ACTN4: variants seen among roughly 807,000 people sequenced by gnomAD.
ACTN4 encodes the protein alpha-actinin-4.
A neutral mutation model predicts 114.2 loss-of-function variants in ACTN4; 18 were observed. That is an observed-to-expected ratio of 0.16 (90% confidence interval 0.11 to 0.23). ACTN4 has a LOEUF of 0.23. Ranked by LOEUF, ACTN4 falls within the 10% of genes least tolerant of loss-of-function variation. ACTN4 has a pLI of 1.00. For synonymous variants in ACTN4, 515 were observed against 506.3 expected (o/e 1.02, Z -0.23); for missense variants, 722 against 1,262.9 (o/e 0.57, Z 6.49).
intron 19 of ACTN4, 99 bp downstream of exon 19, chr19:38,728,125 G>A: frequency 6.9e-7 from 1 of 1,438,878 alleles, no homozygotes; most frequent in Non-Finnish European, 9.6e-7. Context: ...CTGCCATCCT[G>A]TGTGCCATCT....
At chr19:38,721,738 G>A (rs758187101) in intron 12 of ACTN4, 50 bp downstream of exon 12, 4 of 1,604,340 alleles carry the variant, frequency 2.5e-6, no homozygotes, top group African/African-American at 2.7e-5. Context: ...ACCACAGCCT[G>A]CCCAGACTGG....
chr19:38,673,506 T>G (rs1315869550), intron 1 of ACTN4, among the ~76,000 whole-genome samples: 1 of 86,594 alleles, frequency 1.2e-5, no homozygotes, highest in African/African-American at 4.0e-5. Flanking sequence ...TTTATATATA[T>G]GAATATATAT....
intron 1 of ACTN4, among the ~76,000 whole-genome samples, chr19:38,665,285 G>A (rs772566817): frequency 1.3e-5 from 2 of 152,212 alleles, no homozygotes; most frequent in Non-Finnish European, 2.9e-5. Context: ...CTGGCTGTGC[G>A]ACCCTGGGCA....
rs1375414735 is a variant in ACTN4, at chr19:38,727,646, A to T, written c.2338-300A>T. 1.1e-5 allele frequency among the ~76,000 whole-genome samples: 1 copy of T among 90,504 alleles called. No homozygotes were observed. Among genetic ancestry groups the T allele is most frequent in the African/African-American group, 4.2e-5 (1 of 23,658 alleles). 59.4% of individuals were successfully genotyped at this position (90,504 alleles called of 152,430 possible). ...AGGAGAACCCCCCCCCCGACCCTCC[A>T]CCAGTCCTGGGACTTGTCCTCAGTT... On this transcript the variant is annotated intron_variant, in intron 18 of 20. Transcript: ENST00000252699. This position sits in a 1 kb window ranked among gnomAD's most constrained non-coding sequence, Gnocchi z 5.4.
intron 19 of ACTN4, chr19:38,728,434 C>CCTT (rs2145111908): frequency 9.3e-7 from 1 of 1,072,822 alleles, no homozygotes; most frequent in African/African-American, 1.7e-5. Flanking sequence ...TCCTCCTCCT[C>CCTT]CTCCTCCTCC....
intron 6 of ACTN4, among the ~76,000 whole-genome samples, chr19:38,708,693 C>A (rs1191121728): frequency 6.6e-6 from 1 of 152,238 alleles, no homozygotes; most frequent in Non-Finnish European, 1.5e-5. Flanking sequence ...AAGCACCACA[C>A]CAGGCCGTGT....
chr19:38,666,343 C>T (rs1966959603), intron 1 of ACTN4, among the ~76,000 whole-genome samples: 1 of 152,218 alleles, frequency 6.6e-6, no homozygotes, highest in Admixed American at 6.5e-5. Flanking sequence ...AATGTTACAA[C>T]GGAGTGACAA....
Position 38,709,397 on chromosome 19 carries a change from C to T in ACTN4, c.654C>T (p.Asp218=), listed in dbSNP as rs575966776. Residue 218 remains aspartate, a splice_region_variant and synonymous_variant, in exon 7 of 21, where the codon GAC becomes GAT. Transcript: ENST00000252699. Reference sequence around the variant, plus strand: ...TGTCCCCACTTGCCTCCTTCTAGGACGACCCTGTCACCAACCTGAACAATG... The same window carrying T: ...TGTCCCCACTTGCCTCCTTCTAGGATGACCCTGTCACCAACCTGAACAATG... ...ELIEYDKLRK[D]DPVTNLNNAF... is the part of the protein sequence containing the mutation. 2.0e-5 allele frequency: 33 copies of T among 1,613,856 alleles called. No homozygotes were observed. The highest frequency in any genetic ancestry group is 1.6e-4 in the Middle Eastern group (1 of 6,062).
intron 8 of ACTN4, among the ~76,000 whole-genome samples, chr19:38,711,913 T>G (rs948288649): frequency 3.9e-5 from 6 of 152,190 alleles, no homozygotes; most frequent in African/African-American, 1.4e-4. Flanking sequence ...CCAGCTGACC[T>G]CATGCTGCCT....
At position 38,710,405 on chromosome 19, in the gene ACTN4, G is replaced by A. The variant is rs192601118; in HGVS notation, c.819+63G>A. ...CCGCGCAATGCCGCCGCTGCCTCTC[G>A]CCTCCCGTGCTCACCTCATTTCTCT... On this transcript the variant is annotated intron_variant, in intron 8 of 20. Coordinates refer to ENST00000252699, the MANE Select transcript of ACTN4 (RefSeq NM_004924.6). The A allele has an allele frequency of 1.7e-3, 2,540 of 1,529,268 alleles. 4 individuals are homozygous for A. The highest frequency in any genetic ancestry group is 3.7e-3 in the African/African-American group (271 of 73,430). 94.7% of individuals were successfully genotyped at this position (1,529,268 alleles called of 1,614,324 possible). A position where few individuals can be genotyped will look rare whatever the true frequency, so the allele number is the denominator to read the frequency against.
In ACTN4 at chr19:38,729,756, T is replaced by C; in HGVS notation, c.*324T>C. On this transcript the variant is annotated 3_prime_UTR_variant, in exon 21 of 21. Transcript: ENST00000252699. ...GGTCCCTTCCATGCCCTGGGATGCC[T>C]CACCACACCCAGGTCTCTTCCTTTG... 1 of 540,046 alleles carries C rather than the reference T, an allele frequency of 1.9e-6. No individual in the cohort carries two copies. The highest frequency in any genetic ancestry group is 4.5e-5 in the East Asian group (1 of 22,382). The allele number at this position is 540,046 out of a possible 1,614,324, so 33.5% of individuals were successfully genotyped here.
At position 38,647,837 on chromosome 19, in the gene ACTN4, A is replaced by T; in HGVS notation, c.92A>T (p.Tyr31Phe). The T allele has an allele frequency of 6.4e-7, 1 of 1,552,552 alleles. No homozygotes were observed. Among genetic ancestry groups the T allele is most frequent in the Non-Finnish European group, 8.7e-7 (1 of 1,150,332 alleles). The change falls in exon 1 of 21, where the codon TAC (tyrosine) becomes TTC (phenylalanine). Residue 31 changes from tyrosine (Y) to phenylalanine (F), a missense_variant. By Grantham distance (22) the Tyr-to-Phe change is conservative (BLOSUM62 3). This residue lies in a region of ACTN4 where 72 missense variants were observed against 75.6 expected (regional missense o/e 0.95). Transcript: ENST00000252699. ...GGCGGCGGGGGCAGCATGGGCGACT[A>T]CATGGCCCAGGAGGACGACTGGGAC... ...GAGGGGSMGD[Y>F]MAQEDDWDRD...
At chr19:38,649,188 G>A (rs1257112094) in intron 1 of ACTN4, among the ~76,000 whole-genome samples, 1 of 145,968 alleles carries the variant, frequency 6.9e-6, no homozygotes, top group African/African-American at 2.5e-5. Context: ...TTGGGGGGCG[G>A]GGGGGGCAAC....
At chr19:38,716,114 A>G (rs1267508499) in intron 9 of ACTN4, among the ~76,000 whole-genome samples, 1 of 152,134 alleles carries the variant, frequency 6.6e-6, no homozygotes, top group East Asian at 1.9e-4. Context: ...CATGTTGGTC[A>G]GGCTGATCTT....
chr19:38,727,004 C>G lies in ACTN4; in HGVS notation c.2238C>G (p.Thr746=). ...WEQLLTTIAR[T]INEVENQILT... is the part of the protein sequence containing the mutation. Reference sequence around the variant, plus strand: ...AGCTGCTCACCACCATTGCCCGCACCATCAACGAGGTGGAGAACCAGATCC... The same window carrying G: ...AGCTGCTCACCACCATTGCCCGCACGATCAACGAGGTGGAGAACCAGATCC... Residue 746 remains threonine, a synonymous_variant, in exon 18 of 21, where the codon ACC becomes ACG. Coordinates refer to ENST00000252699, the MANE Select transcript of ACTN4 (RefSeq NM_004924.6). The surrounding 1 kb of genome is among the most constrained non-coding windows in gnomAD (Gnocchi z 5.4). The G allele has an allele frequency of 6.2e-7, 1 of 1,614,114 alleles. No homozygotes were observed. Among genetic ancestry groups the G allele is most frequent in the Non-Finnish European group, 8.5e-7 (1 of 1,180,026 alleles).
At chr19:38,664,641 C>T (rs2144860424) in intron 1 of ACTN4, among the ~76,000 whole-genome samples, 1 of 152,188 alleles carries the variant, frequency 6.6e-6, no homozygotes, top group Middle Eastern at 3.4e-3. Flanking sequence ...CTGGATTGAG[C>T]CCGTCCCTGC....
intron 8 of ACTN4, among the ~76,000 whole-genome samples, 174 bp downstream of exon 8, chr19:38,710,516 A>G (rs1213511970): frequency 6.6e-6 from 1 of 152,098 alleles, no homozygotes; most frequent in East Asian, 1.9e-4. Flanking sequence ...TCACACACCT[A>G]TTGGGTACCT....
chr19:38,673,439 T>TTATATATATATATATTCATATATA, intron 1 of ACTN4, among the ~76,000 whole-genome samples: 1 of 74,442 alleles, frequency 1.3e-5, no homozygotes, highest in Non-Finnish European at 3.1e-5. Flanking sequence ...TGGTTTTATT[T>TTATATATATATATATTCATATATA]TTTATATATA....
intron 1 of ACTN4, among the ~76,000 whole-genome samples, chr19:38,675,009 T>C (rs372777160): frequency 6.6e-6 from 1 of 152,240 alleles, no homozygotes; most frequent in African/African-American, 2.4e-5. Context: ...GGAAGCTGTC[T>C]AAACAGCCGT....
Sources: allele counts gnomAD v4.1 joint callset (sites outside exome capture counted in the v4.1 genomes callset), GRCh38; gene constraint gnomAD v4.1.1; regional missense constraint gnomAD v4.1.1; non-coding constraint Gnocchi (gnomAD v3.1); transcripts MANE v1.5; gene names NCBI Gene and HGNC (gene_info 2026-07-23, HGNC 2026-07-21).